The following PINLYP variants were observed in gnomAD, a reference collection of about 807,000 sequenced individuals.
The protein encoded by PINLYP is phospholipase A2 inhibitor and Ly6/PLAUR domain-containing protein.
Under a neutral mutation model 15.8 loss-of-function variants are expected in PINLYP, and 12 were observed. The observed-to-expected ratio is 0.76, with a 90% CI of 0.49 to 1.23. The LOEUF (loss-of-function observed/expected upper bound fraction) is 1.23, where lower values mean the gene tolerates loss of function less well. Ranked by LOEUF, PINLYP falls within the 50% of genes most tolerant of loss-of-function variation. PINLYP has a pLI of 0.00. For missense variants in PINLYP, 278 were observed against 264.2 expected, an observed-to-expected ratio of 1.05 and a Z score of -0.36; for synonymous variants, 93 against 97.7, an observed-to-expected ratio of 0.95 and a Z score of 0.28.
intron 1 of PINLYP, 63 bp downstream of exon 1, chr19:43,576,982 C>T: frequency 3.6e-6 from 3 of 837,232 alleles, no homozygotes; most frequent in Non-Finnish European, 5.4e-6. Context: ...AGCCCAGACT[C>T]CTGGGGTCTC....
chr19:43,577,026 G>C, intron 1 of PINLYP, 89 bp from the exon 2 acceptor site: 1 of 1,325,116 alleles, frequency 7.5e-7, no homozygotes. Flanking sequence ...AAGATGCCCA[G>C]GTCACTTTTG....
At chr19:43,578,848 A>G (rs1013327749) in intron 3 of PINLYP, 142 bp downstream of exon 3, 4 of 648,858 alleles carry the variant, frequency 6.2e-6, no homozygotes, top group Admixed American at 2.3e-5. Flanking sequence ...AAAGAGGGAA[A>G]GACCATCATG....
rs1292714899 is a variant in PINLYP, at chr19:43,581,713, G to A, written c.481+10G>A. On this transcript the variant is annotated intron_variant, in intron 5 of 5. Coordinates refer to ENST00000599207, the Ensembl canonical transcript of PINLYP. ...GGACACGTGCAGGCTGGTGAGTGGT[G>A]CCTGAATCTCTGGAAAAGGAAACAG... 1.3e-6 allele frequency: 2 copies of A among 1,536,058 alleles called. No homozygotes were observed. The highest frequency in any genetic ancestry group is 1.7e-6 in the Non-Finnish European group (2 of 1,146,832).
intron 2 of PINLYP, 58 bp from the exon 3 acceptor site, chr19:43,578,532 C>T (rs1192883767): frequency 7.0e-6 from 9 of 1,279,646 alleles, no homozygotes; most frequent in East Asian, 2.5e-5. Flanking sequence ...AAGTCAAAGT[C>T]GTGGTCCGAA....
At chr19:43,581,955 C>T in exon 6 of PINLYP, 1 of 1,536,468 alleles carries the variant, frequency 6.5e-7, no homozygotes, top group Non-Finnish European at 8.7e-7. Context: ...CCCACAGGCA[C>T]CAATGTCCTC....
chr19:43,575,552 G>C, upstream of PINLYP: 1 of 1,383,168 alleles, frequency 7.2e-7, no homozygotes, highest in Non-Finnish European at 9.9e-7. Context: ...TGCGCCCTGC[G>C]CTGGCTAAAG....
exon 1 of PINLYP, chr19:43,576,020 G>A (rs1972857954): frequency 6.6e-6 from 1 of 152,134 alleles, no homozygotes. Context: ...TCCCACTTCA[G>A]CCTCCTAAGT....
chr19:43,578,417 GCTT>G (rs1273886354), intron 2 of PINLYP, among the ~76,000 whole-genome samples, 170 bp from the exon 3 acceptor site: 3 of 152,162 alleles, frequency 2.0e-5, no homozygotes, highest in Admixed American at 2.0e-4. Flanking sequence ...CATCACCACT[GCTT>G]CTTCGTCCAA....
chr19:43,578,494 C>A, intron 2 of PINLYP, 96 bp from the exon 3 acceptor site: 2 of 808,604 alleles, frequency 2.5e-6, no homozygotes, highest in East Asian at 2.7e-5. Context: ...AGCTGCTGGT[C>A]CCTCCTCTCT....
At chr19:43,581,615 G>A (rs1023681153) in exon 5 of PINLYP, 178 of 1,536,574 alleles carry the variant, frequency 1.2e-4, no homozygotes, top group Non-Finnish European at 1.4e-4. Flanking sequence ...CCTGCACTGC[G>A]AGCTTCAGGG....
intron 3 of PINLYP, chr19:43,580,376 C>T (rs2146083361): frequency 3.8e-6 from 1 of 265,670 alleles, no homozygotes; most frequent in South Asian, 1.4e-4. Flanking sequence ...TTAAACAAGA[C>T]CTGAAAATAG....
upstream of PINLYP, chr19:43,575,640 C>G: frequency 2.0e-6 from 1 of 497,794 alleles, no homozygotes. Context: ...AGCCCAGTCG[C>G]GCCTCTCCAG....
In PINLYP at chr19:43,578,840, A is replaced by G. The variant is rs946031749; in HGVS notation, c.187+134A>G. The G allele has an allele frequency of 1.0e-5, 7 of 669,698 alleles. No individual in the cohort carries two copies. The Admixed American group carries it at 1.1e-4, about 11-fold the overall frequency. The allele number at this position is 669,698 out of a possible 1,614,324, so 41.5% of individuals were successfully genotyped here. On this transcript the variant is annotated intron_variant, in intron 3 of 5. Coordinates refer to ENST00000599207, the Ensembl canonical transcript of PINLYP. ...GGAAGAAATCAGTGGAGAGCAGGAA[A>G]GAGGGAAAGACCATCATGAGATGGA...
At chr19:43,581,952 G>T in exon 6 of PINLYP, 1 of 1,536,450 alleles carries the variant, frequency 6.5e-7, no homozygotes, top group African/African-American at 1.4e-5. Flanking sequence ...GTACCCACAG[G>T]CACCAATGTC....
chr19:43,581,333 G>C, exon 4 of PINLYP: 1 of 1,536,878 alleles, frequency 6.5e-7, no homozygotes, highest in Non-Finnish European at 8.7e-7. Flanking sequence ...TCTGCTGCCA[G>C]AGCGACGGCT....
intron 2 of PINLYP, 59 bp downstream of exon 2, chr19:43,577,320 T>TGA (rs370594706): frequency 1.0e-4 from 146 of 1,416,266 alleles, no homozygotes; most frequent in Non-Finnish European, 9.9e-5. Context: ...GGTCCCAGAT[T>TGA]GAGAGAGAGA....
At chr19:43,577,611 A>AG (rs1972882721) in intron 2 of PINLYP, among the ~76,000 whole-genome samples, 1 of 150,368 alleles carries the variant, frequency 6.7e-6, no homozygotes, top group Admixed American at 6.6e-5. Flanking sequence ...AAAAAAAAAA[A>AG]GAGGGAGAAG....
chr19:43,577,276 A>T lies in PINLYP; in HGVS notation c.70+15A>T, dbSNP rs972368156. 1 of 1,534,882 alleles carries T rather than the reference A, an allele frequency of 6.5e-7. No homozygotes were observed. Among genetic ancestry groups the T allele is most frequent in the African/African-American group, 1.4e-5 (1 of 72,862 alleles). ...CCTGGGTCTTGGTAAGTGACAAGGG[A>T]CCTGAACTGTCTCTGGGACCTCAGG... is the stretch of plus-strand genomic sequence containing the variant. On this transcript the variant is annotated intron_variant, in intron 2 of 5. Transcript: ENST00000599207.
chr19:43,577,263 T>A lies in PINLYP; in HGVS notation c.70+2T>A, dbSNP rs1192215026. Reference sequence around the variant, plus strand: ...TGCTCTGCACCCTCCTGGGTCTTGGTAAGTGACAAGGGACCTGAACTGTCT... The same window carrying A: ...TGCTCTGCACCCTCCTGGGTCTTGGAAAGTGACAAGGGACCTGAACTGTCT... On this transcript the variant is annotated splice_donor_variant, in intron 2 of 5. Transcript: ENST00000599207. LOFTEE classifies it high-confidence loss of function. 6.5e-7 allele frequency: 1 copy of A among 1,535,492 alleles called. No homozygotes were observed. The highest frequency in any genetic ancestry group is 8.7e-7 in the Non-Finnish European group (1 of 1,146,700).
Sources: gnomAD v4.1 joint callset for allele counts (sites outside exome capture counted in the v4.1 genomes callset) on GRCh38, gnomAD v4.1.1 for gene constraint, MANE v1.5 for transcripts, NCBI Gene and HGNC (gene_info 2026-07-23, HGNC 2026-07-21) for gene names.